The following UGGT1 variants were observed in gnomAD, a reference collection of about 807,000 sequenced individuals.
UGGT1 encodes the protein UDP-glucose glycoprotein glucosyltransferase 1.
UGGT1 carries 107 observed loss-of-function variants against 203.9 expected under a neutral mutation model. The observed-to-expected ratio is 0.52, with a 90% CI of 0.45 to 0.62. The LOEUF (loss-of-function observed/expected upper bound fraction) is 0.62. UGGT1 is among the 20% of genes least tolerant of loss of function. The pLI, the probability that UGGT1 is intolerant of heterozygous loss-of-function variation, is 0.00. For synonymous variants in UGGT1, 628 were observed against 653.5 expected (o/e 0.96, Z 0.59); for missense variants, 1,673 against 1,867.2 (o/e 0.90, Z 1.92).
chr2:128,152,821 T>C lies in UGGT1; in HGVS notation c.2054T>C (p.Ile685Thr), dbSNP rs1383937877. Residue 685 changes from isoleucine to threonine, a missense_variant, in exon 19 of 41, where the codon ATC becomes ACC. Physicochemically the swap from Ile to Thr is moderately conservative, Grantham distance 89 (BLOSUM62 -1). Around this residue, in one of 4 missense-constraint regions of UGGT1, gnomAD observed 1,073 missense variants for 1,078.7 expected, o/e 0.99. Transcript: ENST00000259253. Reference sequence around the variant, plus strand: ...CATGATCAAGATGTGGTAGAGTATATCATGAATCAGCCAAATGTTGTTCCA... The same window carrying C: ...CATGATCAAGATGTGGTAGAGTATACCATGAATCAGCCAAATGTTGTTCCA... ...LPHDQDVVEY[I>T]MNQPNVVPRI... 1 of 1,613,882 alleles carries C rather than the reference T, an allele frequency of 6.2e-7. No individual in the cohort carries two copies. Among genetic ancestry groups the C allele is most frequent in the African/African-American group, 1.3e-5 (1 of 75,014 alleles).
At chr2:128,106,722 A>G (rs1007237299) in intron 3 of UGGT1, among the ~76,000 whole-genome samples, 8 of 151,944 alleles carry the variant, frequency 5.3e-5, no homozygotes, top group African/African-American at 1.9e-4. Flanking sequence ...GCTAATTTTT[A>G]TATTTTTAAT....
intron 22 of UGGT1, 109 bp downstream of exon 22, chr2:128,157,455 T>G: frequency 1.3e-6 from 1 of 791,640 alleles, no homozygotes. Context: ...TCCTGCTTTC[T>G]TAATGCTCGA....
At chr2:128,142,482 G>T (rs2105455471) in intron 16 of UGGT1, among the ~76,000 whole-genome samples, 1 of 150,816 alleles carries the variant, frequency 6.6e-6, no homozygotes, top group East Asian at 2.0e-4. Context: ...CTACTCAGGA[G>T]GCTGAGGCAG....
rs534212253 is a variant in UGGT1, at chr2:128,097,483, C to G, written c.113C>G (p.Ser38Cys). Reference protein sequence around the residue: ...LVVLTVLWLFSSVKADSKAIT... With the variant: ...LVVLTVLWLFCSVKADSKAIT... Reference sequence around the variant, plus strand: ...GTACTCACTGTTCTGTGGCTGTTCTCCTCAGTAAAGGCCGACTCAAAAGCC... The same window carrying G: ...GTACTCACTGTTCTGTGGCTGTTCTGCTCAGTAAAGGCCGACTCAAAAGCC... Residue 38 changes from serine to cysteine, a missense_variant, in exon 2 of 41, where the codon TCC becomes TGC. Ser to Cys is a moderately radical substitution (Grantham distance 112). This residue lies in a region of UGGT1 where 83 missense variants were observed against 87.2 expected (regional missense o/e 0.95). Coordinates refer to ENST00000259253, the MANE Select transcript of UGGT1 (RefSeq NM_020120.4). 5.6e-5 allele frequency: 90 copies of G among 1,614,182 alleles called. 2 individuals are homozygous for G. The South Asian group carries it at 9.6e-4, about 17-fold the overall frequency.
intron 8 of UGGT1, among the ~76,000 whole-genome samples, chr2:128,119,319 C>G (rs569958517): frequency 6.6e-6 from 1 of 151,894 alleles, no homozygotes; most frequent in Non-Finnish European, 1.5e-5. Flanking sequence ...TAGCCGGGCG[C>G]GGTAGCTCAC....
chr2:128,100,133 C>T (rs1687309929), intron 2 of UGGT1, among the ~76,000 whole-genome samples: 2 of 146,290 alleles, frequency 1.4e-5, no homozygotes, highest in Admixed American at 1.4e-4. Context: ...AGGTTCAAGC[C>T]CATTCTCATT....
intron 17 of UGGT1, among the ~76,000 whole-genome samples, chr2:128,144,310 G>A (rs1689575639): frequency 6.6e-6 from 1 of 152,242 alleles, no homozygotes; most frequent in South Asian, 2.1e-4. Flanking sequence ...TTTCAGTTTG[G>A]CTGTTTGATA....
chr2:128,155,708 T>A (rs1225042665), intron 20 of UGGT1, 121 bp downstream of exon 20: 35 of 684,994 alleles, frequency 5.1e-5, no homozygotes, highest in Non-Finnish European at 7.6e-5. Flanking sequence ...TTCTTATTTC[T>A]TATAAAGCTT....
chr2:128,108,609 A>G (rs990429466), intron 4 of UGGT1, among the ~76,000 whole-genome samples: 4 of 152,224 alleles, frequency 2.6e-5, no homozygotes, highest in Non-Finnish European at 5.9e-5. Flanking sequence ...TTGATATTTG[A>G]TATAAAAGCA....
In UGGT1 at chr2:128,114,673, T is replaced by C. The variant is rs553532587; in HGVS notation, c.697-451T>C. Among the ~76,000 whole-genome samples, 222 of 152,328 alleles carry C rather than the reference T, an allele frequency of 1.5e-3. 3 individuals carry two copies. The highest frequency in any genetic ancestry group is 5.1e-3 in the African/African-American group (211 of 41,572). On this transcript the variant is annotated intron_variant, in intron 6 of 40. Coordinates refer to ENST00000259253, the MANE Select transcript of UGGT1 (RefSeq NM_020120.4). ...CTGAGACCTCACCAGCTTTCAACCC[T>C]GCTCTGTAGGTTCTGGAACTTCTTT...
At chr2:128,161,568 G>A (rs545902512) in intron 25 of UGGT1, among the ~76,000 whole-genome samples, 1 of 152,184 alleles carries the variant, frequency 6.6e-6, no homozygotes, top group South Asian at 2.1e-4. Context: ...TTTATTACCT[G>A]GAATACTTAT....
rs570729326 is a variant in UGGT1, at chr2:128,097,644, G to T, written c.194+80G>T. 2.8e-5 allele frequency: 43 copies of T among 1,535,204 alleles called. 1 individual carries two copies. In the South Asian group the frequency reaches 4.8e-4, roughly 17 times the overall value. On this transcript the variant is annotated intron_variant, in intron 2 of 40. Coordinates refer to ENST00000259253, the MANE Select transcript of UGGT1 (RefSeq NM_020120.4). ...CAGTGAACATTCAGGAGCTTTTTAA[G>T]GAGTGAGATTATCATCAAATGCATT...
At chr2:128,149,743 G>A (rs1039312750) in intron 18 of UGGT1, among the ~76,000 whole-genome samples, 1 of 150,132 alleles carries the variant, frequency 6.7e-6, no homozygotes, top group African/African-American at 2.5e-5. Context: ...CCGAGATTGC[G>A]CCACTGCACT....
intron 22 of UGGT1, among the ~76,000 whole-genome samples, chr2:128,157,759 A>G (rs1690311567): frequency 6.6e-6 from 1 of 152,172 alleles, no homozygotes; most frequent in African/African-American, 2.4e-5. Context: ...GTAGAAGTAG[A>G]TCCAGATGCA....
intron 7 of UGGT1, 75 bp downstream of exon 7, chr2:128,115,295 A>ATAATAGAT: frequency 7.4e-7 from 1 of 1,351,586 alleles, no homozygotes; most frequent in East Asian, 2.5e-5. Context: ...CATATGAAAA[A>ATAATAGAT]TAATAGATTT....
chr2:128,187,165 A>G (rs1174844940), intron 39 of UGGT1: 1 of 314,068 alleles, frequency 3.2e-6, no homozygotes, highest in African/African-American at 2.1e-5. Context: ...TTCACAACTT[A>G]CAATCTGCTG....
intron 23 of UGGT1, 139 bp downstream of exon 23, chr2:128,159,859 G>A: frequency 1.1e-6 from 1 of 875,716 alleles, no homozygotes; most frequent in Non-Finnish European, 1.7e-6. Flanking sequence ...TTTTAATTTG[G>A]AAGTTTCCCT....
intron 24 of UGGT1, among the ~76,000 whole-genome samples, chr2:128,160,890 T>C (rs1690494334): frequency 6.6e-6 from 1 of 152,246 alleles, no homozygotes; most frequent in Non-Finnish European, 1.5e-5. Flanking sequence ...CAGGTAGAAT[T>C]AATGAAAACT....
chr2:128,101,087 C>T (rs1320043711), intron 2 of UGGT1, among the ~76,000 whole-genome samples: 1 of 152,126 alleles, frequency 6.6e-6, no homozygotes, highest in Non-Finnish European at 1.5e-5. Context: ...GGCCCCTTCT[C>T]CTGTGGCTAT....
Sources: gnomAD v4.1 joint callset for allele counts (sites outside exome capture counted in the v4.1 genomes callset) on GRCh38, gnomAD v4.1.1 for gene constraint, gnomAD v4.1.1 regional missense constraint, MANE v1.5 for transcripts, NCBI Gene and HGNC (gene_info 2026-07-23, HGNC 2026-07-21) for gene names.